CACNA1E: variants seen among roughly 807,000 people sequenced by gnomAD.
CACNA1E encodes voltage-dependent R-type calcium channel subunit alpha-1E.
A neutral mutation model predicts 259.2 loss-of-function variants in CACNA1E; 40 were observed. The ratio of observed to expected loss-of-function variants is 0.15; its 90% CI spans 0.12 to 0.20. The LOEUF is 0.20. CACNA1E is among the 10% of genes least tolerant of loss of function. The probability of loss-of-function intolerance (pLI) is 1.00; values close to 1 mark genes in which losing one functional copy is unlikely to be tolerated. For synonymous variants in CACNA1E, 1,104 were observed against 1,138.5 expected (o/e 0.97, Z 0.61); for missense variants, 1,874 against 3,040.1 (o/e 0.62, Z 9.02).
chr1:181,631,894 A>G (rs1003799697), intron 6 of CACNA1E, among the ~76,000 whole-genome samples: 1 of 152,194 alleles, frequency 6.6e-6, no homozygotes, highest in African/African-American at 2.4e-5. Context: ...TGAAGACTCC[A>G]TAAGCCCAGG....
At chr1:181,590,401 CAAAAAAA>C (rs397861970) in intron 6 of CACNA1E, among the ~76,000 whole-genome samples, 1 of 118,632 alleles carries the variant, frequency 8.4e-6, no homozygotes. Flanking sequence ...GAGTCAATTA[CAAAAAAA>C]AAAAAAAAAT....
intron 1 of CACNA1E, among the ~76,000 whole-genome samples, chr1:181,391,945 CTGTGTGTGTG>C (rs201388697): frequency 1.4e-4 from 16 of 118,192 alleles, no homozygotes; most frequent in African/African-American, 4.2e-4. Flanking sequence ...CTCTCTCTCT[CTGTGTGTGTG>C]TGTGTGTGTG....
At chr1:181,474,185 A>G (rs140416742) in intron 2 of CACNA1E, among the ~76,000 whole-genome samples, 30 of 152,374 alleles carry the variant, frequency 2.0e-4, no homozygotes, top group Middle Eastern at 3.4e-3. Context: ...TATTCTATTA[A>G]TACTTGACTA....
At chr1:181,733,213 G>A (rs1655686753) in intron 20 of CACNA1E, among the ~76,000 whole-genome samples, 179 bp downstream of exon 20, 1 of 152,240 alleles carries the variant, frequency 6.6e-6, no homozygotes, top group South Asian at 2.1e-4. Context: ...CCCCAAAAAC[G>A]AGGGCCTGTT....
chr1:181,680,168 A>G (rs1027321030), intron 7 of CACNA1E, among the ~76,000 whole-genome samples: 11 of 151,066 alleles, frequency 7.3e-5, no homozygotes, highest in African/African-American at 2.7e-4. Context: ...ACAGAGAGCA[A>G]GAGTCAAGAC....
intron 6 of CACNA1E, among the ~76,000 whole-genome samples, chr1:181,616,870 T>A (rs1655266546): frequency 6.6e-6 from 1 of 152,254 alleles, no homozygotes; most frequent in Admixed American, 6.5e-5. Flanking sequence ...AGAGAACCAT[T>A]AAGCTTTTCT....
intron 2 of CACNA1E, among the ~76,000 whole-genome samples, chr1:181,435,148 G>A (rs1339128053): frequency 2.0e-5 from 3 of 152,154 alleles, no homozygotes; most frequent in African/African-American, 7.2e-5. Flanking sequence ...TAACACAGGA[G>A]TTTATAGCAG....
At chr1:181,318,543 C>G (rs375379781) in intron 1 of CACNA1E, among the ~76,000 whole-genome samples, 3,098 of 152,262 alleles carry the variant, frequency 0.02, 48 homozygotes, top group South Asian at 0.041. Flanking sequence ...GGAGCAGGCT[C>G]GAGCCGCTGG....
chr1:181,557,191 C>G (rs1648819486), intron 3 of CACNA1E, among the ~76,000 whole-genome samples: 1 of 152,144 alleles, frequency 6.6e-6, no homozygotes, highest in Admixed American at 6.5e-5. Flanking sequence ...CCCTGCAGGT[C>G]CATAGCAGGA....
At chr1:181,553,153 TGTTC>T (rs1402671461) in intron 3 of CACNA1E, among the ~76,000 whole-genome samples, 3 of 152,242 alleles carry the variant, frequency 2.0e-5, no homozygotes, top group African/African-American at 7.2e-5. Context: ...TTTTTCCATT[TGTTC>T]GTGTACTTTC....
At chr1:181,435,992 A>C (rs1392696583) in intron 2 of CACNA1E, among the ~76,000 whole-genome samples, 1 of 152,266 alleles carries the variant, frequency 6.6e-6, no homozygotes, top group African/African-American at 2.4e-5. Flanking sequence ...AATATTAAAA[A>C]GATATGAGGA....
intron 1 of CACNA1E, among the ~76,000 whole-genome samples, chr1:181,342,153 G>A (rs1652199264): frequency 6.6e-6 from 1 of 152,174 alleles, no homozygotes; most frequent in African/African-American, 2.4e-5. Flanking sequence ...TAGGCAAAGG[G>A]AAGGGCAGGT....
At chr1:181,411,889 C>T (rs555684272) in intron 1 of CACNA1E, among the ~76,000 whole-genome samples, 9 of 152,376 alleles carry the variant, frequency 5.9e-5, no homozygotes, top group East Asian at 3.9e-4. Context: ...GGATTATAGG[C>T]GTGAGCCACT....
intron 47 of CACNA1E, among the ~76,000 whole-genome samples, chr1:181,797,280 C>T (rs1210170312): frequency 6.6e-6 from 1 of 152,212 alleles, no homozygotes; most frequent in Non-Finnish European, 1.5e-5. Context: ...ATTTACCTAG[C>T]TTGCAGCCGT....
At chr1:181,606,503 C>T (rs1654254646) in intron 6 of CACNA1E, among the ~76,000 whole-genome samples, 1 of 152,250 alleles carries the variant, frequency 6.6e-6, no homozygotes, top group Non-Finnish European at 1.5e-5. Context: ...CCACCATCTT[C>T]TTTGCCCCTG....
chr1:181,466,151 A>G (rs1281411600), intron 2 of CACNA1E, among the ~76,000 whole-genome samples: 2 of 152,194 alleles, frequency 1.3e-5, no homozygotes, highest in Admixed American at 6.5e-5. Context: ...CTGAAGGTAC[A>G]GTTCTTTAAG....
chr1:181,754,993 G>A lies in CACNA1E; in HGVS notation c.3829-244G>A, dbSNP rs917261706. Among the ~76,000 whole-genome samples, 13 of 152,314 alleles carry A rather than the reference G, an allele frequency of 8.5e-5. No individual in the cohort carries two copies. In the Middle Eastern group the frequency reaches 0.01, roughly 120 times the overall value. ...CTTGATATCATCTGATTTCTACTGC[G>A]TTGGGTCTACATTCAGTTTCAGAAC... On this transcript the variant is annotated intron_variant, in intron 27 of 47. Transcript: ENST00000367573.
chr1:181,472,041 G>A (rs1251146138), intron 2 of CACNA1E, among the ~76,000 whole-genome samples: 1 of 152,114 alleles, frequency 6.6e-6, no homozygotes, highest in Admixed American at 6.6e-5. Context: ...AAAATGTGGT[G>A]TATGTAGACA....
At chr1:181,428,484 G>A (rs1291355098) in intron 2 of CACNA1E, among the ~76,000 whole-genome samples, 1 of 152,258 alleles carries the variant, frequency 6.6e-6, no homozygotes, top group East Asian at 1.9e-4. Flanking sequence ...CTTGCAAGAG[G>A]CTTGTGAATT....
Sources: allele counts gnomAD v4.1 joint callset (sites outside exome capture counted in the v4.1 genomes callset), GRCh38; gene constraint gnomAD v4.1.1; transcripts MANE v1.5; gene names NCBI Gene and HGNC (gene_info 2026-07-23, HGNC 2026-07-21).